Variants in BANK1 observed in about 807,000 individuals in gnomAD.
BANK1 encodes B cell scaffold protein with ankyrin repeats 1, also known as B-cell scaffold protein with ankyrin repeats.
In BANK1, 95 loss-of-function variants were observed where a neutral mutation model predicts 94.5. The ratio of observed to expected loss-of-function variants is 1.00; its 90% confidence interval spans 0.85 to 1.19. The LOEUF (loss-of-function observed/expected upper bound fraction) is 1.19. BANK1 is among the 50% of genes most tolerant of loss of function. The pLI, the probability that BANK1 is intolerant of heterozygous loss-of-function variation, is 0.00. For missense variants in BANK1, 987 were observed against 932.2 expected, an observed-to-expected ratio of 1.06 and a Z score of -0.77; for synonymous variants, 334 against 308.4, an observed-to-expected ratio of 1.08 and a Z score of -0.87.
At chr4:101,846,617 AG>A (rs1727256113) in intron 2 of BANK1, among the ~76,000 whole-genome samples, 1 of 152,212 alleles carries the variant, frequency 6.6e-6, no homozygotes, top group Non-Finnish European at 1.5e-5. Context: ...TGGAAGGTGA[AG>A]GGGAAGCAAG....
intron 13 of BANK1, among the ~76,000 whole-genome samples, chr4:102,070,561 A>C (rs72688507): frequency 1.3e-5 from 2 of 152,200 alleles, no homozygotes. Flanking sequence ...CCTGTGATCA[A>C]TTATCACTTT....
At chr4:101,936,177 AAT>A (rs1443739169) in intron 7 of BANK1, among the ~76,000 whole-genome samples, 2 of 121,194 alleles carry the variant, frequency 1.7e-5, no homozygotes, top group East Asian at 2.3e-4. Context: ...ACCAGAAAAA[AAT>A]ATATATGATA....
At position 101,987,291 on chromosome 4, in the gene BANK1, C is replaced by G. The variant is rs1221437328; in HGVS notation, c.1207-34223C>G. ...TTACTAAGTGTTCTGTGTGTGTGTA[C>G]TCATTCAGTCTTCAAAGAATCTCAT... On this transcript the variant is annotated intron_variant, in intron 7 of 16. Transcript: ENST00000322953. Among the ~76,000 whole-genome samples the G allele has an allele frequency of 5.3e-5, 8 of 151,950 alleles. No individual in the cohort carries two copies. The East Asian group carries it at 1.5e-3, about 29-fold the overall frequency.
At chr4:102,068,723 G>C (rs1478602474) in intron 13 of BANK1, among the ~76,000 whole-genome samples, 1 of 151,980 alleles carries the variant, frequency 6.6e-6, no homozygotes, top group Admixed American at 6.6e-5. Context: ...AACTATTCTG[G>C]AGGCTGAGGC....
At chr4:101,856,553 A>G (rs1229355758) in intron 3 of BANK1, among the ~76,000 whole-genome samples, 1 of 152,242 alleles carries the variant, frequency 6.6e-6, no homozygotes, top group Admixed American at 6.5e-5. Flanking sequence ...GTAGCTCAAC[A>G]GGAGTTATAC....
chr4:102,058,989 C>T (rs1482376598), intron 11 of BANK1, among the ~76,000 whole-genome samples: 1 of 152,138 alleles, frequency 6.6e-6, no homozygotes, highest in Non-Finnish European at 1.5e-5. Context: ...AGGAACACTA[C>T]AGGCCATTCC....
At position 101,908,436 on chromosome 4, in the gene BANK1, G is replaced by C. The variant is rs369340405; in HGVS notation, c.1010-9557G>C. 3.5e-4 allele frequency among the ~76,000 whole-genome samples: 54 copies of C among 152,186 alleles called. 1 individual carries two copies. In the South Asian group the frequency reaches 8.9e-3, roughly 25 times the overall value. Reference sequence around the variant, plus strand: ...TGGATTAAAGACTTAAATGTGAGACGTAAAACCATAAAAACCCTAGAAGAA... The same window carrying C: ...TGGATTAAAGACTTAAATGTGAGACCTAAAACCATAAAAACCCTAGAAGAA... On this transcript the variant is annotated intron_variant, in intron 6 of 16. Transcript: ENST00000322953.
Position 102,073,689 on chromosome 4 carries a change from T to A in BANK1, c.2304T>A (p.Pro768=). 6.2e-7 allele frequency: 1 copy of A among 1,611,510 alleles called. No homozygotes were observed. The highest frequency in any genetic ancestry group is 2.2e-5 in the East Asian group (1 of 44,770). Residue 768 remains proline (P), a synonymous_variant, in exon 16 of 17, where the codon CCT becomes CCA. Transcript: ENST00000322953. ...ATATCTTTATTTTTTTTCAGCTTCCTGCTCGACCCCAAGTTGAAAAGGAAT... is the reference window on the plus strand; with the variant it reads ...ATATCTTTATTTTTTTTCAGCTTCCAGCTCGACCCCAAGTTGAAAAGGAAT... ...FYNVHFSNKL[P]ARPQVEKEFG...
At chr4:101,936,178 AT>A (rs1219052543) in intron 7 of BANK1, among the ~76,000 whole-genome samples, 2 of 112,114 alleles carry the variant, frequency 1.8e-5, no homozygotes, top group Non-Finnish European at 3.9e-5. Context: ...CCAGAAAAAA[AT>A]ATATATGATA....
chr4:101,832,739 T>C (rs1209219523), intron 2 of BANK1, among the ~76,000 whole-genome samples: 3 of 152,224 alleles, frequency 2.0e-5, no homozygotes, highest in Non-Finnish European at 2.9e-5. Flanking sequence ...TTTCTATTCA[T>C]TACATTTTAA....
intron 1 of BANK1, among the ~76,000 whole-genome samples, chr4:101,798,811 T>C (rs1345792195): frequency 1.3e-5 from 2 of 152,240 alleles, no homozygotes; most frequent in Non-Finnish European, 2.9e-5. Context: ...TGGGGTTGTT[T>C]GATTTTTTCT....
At chr4:102,056,368 CAAT>C (rs1728227472) in intron 11 of BANK1, among the ~76,000 whole-genome samples, 2 of 151,902 alleles carry the variant, frequency 1.3e-5, no homozygotes, top group Admixed American at 1.3e-4. Flanking sequence ...AAAGTGGAAA[CAAT>C]AAAAAATCCC....
intron 6 of BANK1, among the ~76,000 whole-genome samples, chr4:101,901,885 T>C (rs1722298567): frequency 6.6e-6 from 1 of 152,084 alleles, no homozygotes. Flanking sequence ...CTCAGCCTCC[T>C]GAGTAGCCGG....
At chr4:101,845,606 C>T (rs1458759650) in intron 2 of BANK1, among the ~76,000 whole-genome samples, 2 of 152,170 alleles carry the variant, frequency 1.3e-5, no homozygotes, top group African/African-American at 2.4e-5. Context: ...ATCATTTTCT[C>T]TAGCAGTGAA....
chr4:102,022,584 C>T (rs764953092), intron 8 of BANK1, among the ~76,000 whole-genome samples: 2 of 152,090 alleles, frequency 1.3e-5, no homozygotes, highest in South Asian at 4.1e-4. Flanking sequence ...TGTTATGACT[C>T]AGGAGGGAGG....
chr4:101,936,705 G>C (rs1258410293), intron 7 of BANK1, among the ~76,000 whole-genome samples: 1 of 151,398 alleles, frequency 6.6e-6, no homozygotes, highest in Non-Finnish European at 1.5e-5. Context: ...CATATGAAAA[G>C]TTGCTCAATA....
At chr4:102,041,734 C>T (rs1727710828) in intron 10 of BANK1, among the ~76,000 whole-genome samples, 3 of 151,986 alleles carry the variant, frequency 2.0e-5, no homozygotes, top group African/African-American at 7.2e-5. Context: ...GCCCTTGTCC[C>T]CAGCTGTTCC....
At chr4:101,825,546 G>A (rs1306231927) in intron 1 of BANK1, among the ~76,000 whole-genome samples, 1 of 152,004 alleles carries the variant, frequency 6.6e-6, no homozygotes, top group Non-Finnish European at 1.5e-5. Context: ...AACTATCTTT[G>A]TGGCTCTGAT....
chr4:102,044,480 C>T lies in BANK1; in HGVS notation c.1969+573C>T, dbSNP rs529739102. ...AAGTCTTTGCTATTGTGAATAATGC[C>T]GCAATAAACATACGTGTGCATGTGT... On this transcript the variant is annotated intron_variant, in intron 11 of 16. Transcript: ENST00000322953. Among the ~76,000 whole-genome samples the T allele has an allele frequency of 7.9e-3, 1,176 of 149,392 alleles. 17 individuals are homozygous for T. The highest frequency in any genetic ancestry group is 0.028 in the African/African-American group (1,117 of 40,478).
Sources: gnomAD v4.1 joint callset for allele counts (sites outside exome capture counted in the v4.1 genomes callset) on GRCh38, gnomAD v4.1.1 for gene constraint, MANE v1.5 for transcripts, NCBI Gene and HGNC (gene_info 2026-07-23, HGNC 2026-07-21) for gene names.